Variants in DSCAM observed in about 807,000 individuals in gnomAD.
The protein encoded by DSCAM is DS cell adhesion molecule.
Under a neutral mutation model 217.7 loss-of-function variants are expected in DSCAM, and 47 were observed. The observed-to-expected ratio is 0.22, with a 90% CI of 0.17 to 0.28. The LOEUF (loss-of-function observed/expected upper bound fraction) is 0.28. Ranked by LOEUF, DSCAM falls within the 10% of genes least tolerant of loss-of-function variation. The pLI, the probability that DSCAM is intolerant of heterozygous loss-of-function variation, is 1.00. For missense variants in DSCAM, 2,080 were observed against 2,618.3 expected, an observed-to-expected ratio of 0.79 and a Z score of 4.49; for synonymous variants, 1,056 against 1,015.3, an observed-to-expected ratio of 1.04 and a Z score of -0.76.
chr21:40,632,522 C>T (rs781306922), intron 3 of DSCAM, among the ~76,000 whole-genome samples: 3 of 152,128 alleles, frequency 2.0e-5, no homozygotes, highest in East Asian at 1.9e-4. Flanking sequence ...ATAAAGGACA[C>T]GACAGTTCCT....
chr21:40,300,077 T>C (rs1310541905), intron 9 of DSCAM, among the ~76,000 whole-genome samples: 1 of 151,998 alleles, frequency 6.6e-6, no homozygotes, highest in Non-Finnish European at 1.5e-5. Context: ...ACTGTGGCCC[T>C]CTCCTTCTTC....
chr21:40,211,980 T>G (rs1601445627), intron 11 of DSCAM, among the ~76,000 whole-genome samples: 4 of 145,696 alleles, frequency 2.7e-5, no homozygotes, highest in Non-Finnish European at 1.5e-5. Flanking sequence ...TTTTTTGGTG[T>G]GGGGGGTGGG....
At chr21:40,507,154 G>A (rs1244486945) in intron 3 of DSCAM, among the ~76,000 whole-genome samples, 1 of 152,118 alleles carries the variant, frequency 6.6e-6, no homozygotes, top group East Asian at 1.9e-4. Flanking sequence ...GCACACACCT[G>A]TAATCCCAGC....
intron 2 of DSCAM, among the ~76,000 whole-genome samples, chr21:40,696,683 A>T (rs566750089): frequency 6.6e-6 from 1 of 152,288 alleles, no homozygotes; most frequent in East Asian, 1.9e-4. Flanking sequence ...GCCTTCATTC[A>T]GTAAAATCTG....
intron 11 of DSCAM, among the ~76,000 whole-genome samples, chr21:40,266,371 T>C (rs1210063251): frequency 1.3e-5 from 2 of 151,924 alleles, no homozygotes; most frequent in Admixed American, 6.6e-5. Flanking sequence ...CATGGATGTA[T>C]TGAAAAAGGA....
rs142764238 is a variant in DSCAM at position 40,677,604 on chromosome 21, A to T, written c.508+15206T>A. On this transcript the variant is annotated intron_variant, in intron 3 of 32. Coordinates refer to ENST00000400454, the MANE Select transcript of DSCAM (RefSeq NM_001389.5). ...ATTTCCATCTATTAAAAAAATATGTATATCGACTGAAGATCTATTTCCCTG... is the reference window on the plus strand; with the variant it reads ...ATTTCCATCTATTAAAAAAATATGTTTATCGACTGAAGATCTATTTCCCTG... Among the ~76,000 whole-genome samples, 27 of 152,316 alleles carry T rather than the reference A, an allele frequency of 1.8e-4. No homozygotes were observed. The South Asian group carries it at 5.6e-3, about 32-fold the overall frequency.
At chr21:40,578,985 C>T (rs1010030435) in intron 3 of DSCAM, among the ~76,000 whole-genome samples, 1 of 152,112 alleles carries the variant, frequency 6.6e-6, no homozygotes, top group Admixed American at 6.5e-5. Flanking sequence ...TAAATTGAAA[C>T]CCACATGCAA....
At chr21:40,247,808 C>G (rs565311887) in intron 11 of DSCAM, among the ~76,000 whole-genome samples, 1 of 152,312 alleles carries the variant, frequency 6.6e-6, no homozygotes, top group South Asian at 2.1e-4. Context: ...TGTGTGGGGC[C>G]TCTGACCCCA....
At chr21:40,555,679 C>T (rs1037737679) in intron 3 of DSCAM, among the ~76,000 whole-genome samples, 3 of 152,188 alleles carry the variant, frequency 2.0e-5, no homozygotes, top group Admixed American at 6.5e-5. Flanking sequence ...GTCACCCAGG[C>T]TGGAGTTCAT....
intron 3 of DSCAM, among the ~76,000 whole-genome samples, chr21:40,636,214 T>C (rs1342365365): frequency 6.6e-6 from 1 of 151,992 alleles, no homozygotes; most frequent in Non-Finnish European, 1.5e-5. Flanking sequence ...CAAAGGATTA[T>C]GCATAAGATG....
chr21:40,469,668 T>G (rs1201280078), intron 3 of DSCAM, among the ~76,000 whole-genome samples: 1 of 152,170 alleles, frequency 6.6e-6, no homozygotes, highest in Non-Finnish European at 1.5e-5. Context: ...CAAAGTGACC[T>G]AAATTTCTGA....
intron 2 of DSCAM, among the ~76,000 whole-genome samples, chr21:40,701,955 T>C (rs1465488591): frequency 3.3e-5 from 5 of 152,326 alleles, no homozygotes; most frequent in South Asian, 4.1e-4. Flanking sequence ...AATTGATTGA[T>C]AGTGTCATTC....
At chr21:40,237,863 C>A (rs2073100074) in intron 11 of DSCAM, among the ~76,000 whole-genome samples, 1 of 152,166 alleles carries the variant, frequency 6.6e-6, no homozygotes, top group South Asian at 2.1e-4. Flanking sequence ...TTATGAAGAT[C>A]CTGGTGATGA....
chr21:40,515,946 CAT>C (rs766357737), intron 3 of DSCAM, among the ~76,000 whole-genome samples: 92 of 151,510 alleles, frequency 6.1e-4, no homozygotes, highest in Non-Finnish European at 1.1e-3. Context: ...CTTTTTTTTT[CAT>C]AGATAACCCT....
At chr21:40,369,402 G>GTGTA in intron 3 of DSCAM, 157 bp from the exon 4 acceptor site, 1 of 563,774 alleles carries the variant, frequency 1.8e-6, no homozygotes, top group African/African-American at 1.9e-5. Flanking sequence ...GTGTGTGTGT[G>GTGTA]TGTGTGTGTG....
chr21:40,423,445 C>A (rs572692830), intron 3 of DSCAM, among the ~76,000 whole-genome samples: 1 of 152,140 alleles, frequency 6.6e-6, no homozygotes, highest in African/African-American at 2.4e-5. Context: ...GAGGGCACTG[C>A]GCATGCGGGA....
intron 10 of DSCAM, among the ~76,000 whole-genome samples, chr21:40,292,623 T>C (rs1449070742): frequency 1.3e-5 from 2 of 152,186 alleles, no homozygotes; most frequent in South Asian, 2.1e-4. Context: ...TTGAAAGTTA[T>C]AAAAATTATT....
intron 3 of DSCAM, among the ~76,000 whole-genome samples, chr21:40,554,147 G>A (rs2146166718): frequency 6.6e-6 from 1 of 151,392 alleles, no homozygotes; most frequent in South Asian, 2.1e-4. Context: ...GCCAGTAGCT[G>A]GGACTACAGG....
chr21:40,320,525 G>A (rs958486622), intron 8 of DSCAM, among the ~76,000 whole-genome samples: 1 of 152,124 alleles, frequency 6.6e-6, no homozygotes, highest in Non-Finnish European at 1.5e-5. Flanking sequence ...TTTTGTCACT[G>A]TGTTAGTCCA....
Sources: gnomAD v4.1 joint callset for allele counts (sites outside exome capture counted in the v4.1 genomes callset) on GRCh38, gnomAD v4.1.1 for gene constraint, MANE v1.5 for transcripts, NCBI Gene and HGNC (gene_info 2026-07-23, HGNC 2026-07-21) for gene names.